ARID2: variants seen among roughly 807,000 people sequenced by gnomAD.
ARID2 encodes AT-rich interactive domain-containing protein 2.
In ARID2, 32 loss-of-function variants were observed where a neutral mutation model predicts 184.6. That is an observed-to-expected ratio of 0.17 (90% confidence interval 0.13 to 0.23). The LOEUF (loss-of-function observed/expected upper bound fraction) is 0.23. Among genes scored for constraint, ARID2 ranks in the 10% least tolerant of loss-of-function variants. ARID2 has a pLI of 1.00. For missense variants in ARID2, 1,696 were observed against 2,197.6 expected (o/e 0.77, Z 4.56); for synonymous variants, 836 against 772.6 (o/e 1.08, Z -1.36).
intron 11 of ARID2, chr12:45,845,881 A>C (rs1271963286): frequency 6.6e-6 from 1 of 152,190 alleles, no homozygotes; most frequent in African/African-American, 2.4e-5. Flanking sequence ...AAAACCTACA[A>C]AGTAATGCTG....
intron 16 of ARID2, among the ~76,000 whole-genome samples, chr12:45,863,578 C>T (rs1943784078): frequency 6.6e-6 from 1 of 151,878 alleles, no homozygotes; most frequent in South Asian, 2.1e-4. Flanking sequence ...TAAAGTAAGA[C>T]ACTGTCTCTT....
At chr12:45,799,834 A>T (rs1327933738) in intron 3 of ARID2, among the ~76,000 whole-genome samples, 3 of 152,186 alleles carry the variant, frequency 2.0e-5, no homozygotes, top group East Asian at 3.8e-4. Context: ...GCTAAAACCC[A>T]TAAATTTAGT....
At chr12:45,869,204 A>G (rs1943878624) in intron 16 of ARID2, among the ~76,000 whole-genome samples, 1 of 151,972 alleles carries the variant, frequency 6.6e-6, no homozygotes, top group Admixed American at 6.5e-5. Context: ...TTTAGTAGGG[A>G]CAGGGTTTCA....
At chr12:45,731,434 C>T (rs1032216080) in intron 3 of ARID2, 120 bp downstream of exon 3, 5 of 651,258 alleles carry the variant, frequency 7.7e-6, no homozygotes, top group Non-Finnish European at 1.4e-5. Context: ...TTGTTCATTT[C>T]AGACTGAGAC....
chr12:45,730,118 C>G lies in ARID2; in HGVS notation c.167C>G (p.Thr56Ser). Residue 56 changes from threonine to serine, a missense_variant, in exon 2 of 21, where the codon ACT becomes AGT. Transcript: ENST00000334344. ...DLHGLYTRVT[T>S]LGGFAKVSEK... Reference sequence around the variant, plus strand: ...CACGGTCTCTACACCAGAGTCACTACTTTAGGCGGATTCGCGAAGGTGAGT... The same window carrying G: ...CACGGTCTCTACACCAGAGTCACTAGTTTAGGCGGATTCGCGAAGGTGAGT... 1 of 1,613,206 alleles carries G rather than the reference C, an allele frequency of 6.2e-7. No homozygotes were observed. The highest frequency in any genetic ancestry group is 8.5e-7 in the Non-Finnish European group (1 of 1,179,498).
chr12:45,836,614 A>G lies in ARID2; in HGVS notation c.731A>G (p.Asn244Ser), dbSNP rs2138125283. 2 of 1,610,452 alleles carry G rather than the reference A, an allele frequency of 1.2e-6. No individual in the cohort carries two copies. Among genetic ancestry groups the G allele is most frequent in the South Asian group, 1.1e-5 (1 of 89,862 alleles). Reference sequence around the variant, plus strand: ...TTTTGGAAAGACATCGTTGATGATAATGAAGTTCGTGACCTCATTTCTGAC... The same window carrying G: ...TTTTGGAAAGACATCGTTGATGATAGTGAAGTTCGTGACCTCATTTCTGAC... ...VKFWKDIVDDNEVRDLISDRN... is the reference protein window; with the variant it reads ...VKFWKDIVDDSEVRDLISDRN... The change falls in exon 7 of 21, where the codon AAT becomes AGT. Residue 244 changes from asparagine (N) to serine (S), a missense_variant. By Grantham distance (46) the Asn-to-Ser change is conservative. Coordinates refer to ENST00000334344, the MANE Select transcript of ARID2 (RefSeq NM_152641.4).
intron 20 of ARID2, among the ~76,000 whole-genome samples, chr12:45,895,870 T>C (rs1944362438): frequency 6.6e-6 from 1 of 152,124 alleles, no homozygotes; most frequent in Admixed American, 6.5e-5. Context: ...AAGAGTAAAA[T>C]ACTTAGGAGT....
At chr12:45,801,885 A>G (rs1280345260) in intron 3 of ARID2, among the ~76,000 whole-genome samples, 1 of 152,198 alleles carries the variant, frequency 6.6e-6, no homozygotes, top group Non-Finnish European at 1.5e-5. Flanking sequence ...ATCTGGATGA[A>G]GGATAAATGA....
chr12:45,742,003 AC>A (rs1941267562), intron 3 of ARID2, among the ~76,000 whole-genome samples: 1 of 152,126 alleles, frequency 6.6e-6, no homozygotes, highest in Non-Finnish European at 1.5e-5. Flanking sequence ...ATCTCCCTTA[AC>A]CTTCAGTAAG....
chr12:45,802,716 C>T (rs1051712477), intron 3 of ARID2, among the ~76,000 whole-genome samples: 2 of 151,952 alleles, frequency 1.3e-5, no homozygotes, highest in Admixed American at 1.3e-4. Flanking sequence ...CACCAAGAAA[C>T]ACTGTGTGGT....
At chr12:45,859,347 T>G (rs1943703801) in intron 15 of ARID2, among the ~76,000 whole-genome samples, 1 of 152,188 alleles carries the variant, frequency 6.6e-6, no homozygotes, top group African/African-American at 2.4e-5. Flanking sequence ...ATAGCCTAGG[T>G]ATGTAGTAGG....
chr12:45,808,107 G>A (rs1158225082), intron 3 of ARID2, among the ~76,000 whole-genome samples: 1 of 152,180 alleles, frequency 6.6e-6, no homozygotes, highest in Non-Finnish European at 1.5e-5. Context: ...GATTTTTGAG[G>A]AGAAAGATGT....
At chr12:45,893,374 A>G (rs772940851) in intron 18 of ARID2, 46 bp from the exon 19 acceptor site, 17 of 1,565,236 alleles carry the variant, frequency 1.1e-5, no homozygotes, top group South Asian at 2.3e-5. Context: ...GTCTGTCTGC[A>G]GTATCACGTT....
At chr12:45,815,085 A>G (rs957596484) in intron 4 of ARID2, among the ~76,000 whole-genome samples, 3 of 152,232 alleles carry the variant, frequency 2.0e-5, no homozygotes, top group Non-Finnish European at 4.4e-5. Context: ...AGTAGGAAAT[A>G]GCACAATTCT....
At chr12:45,848,139 G>A (rs1421488650) in intron 12 of ARID2, among the ~76,000 whole-genome samples, 1 of 151,702 alleles carries the variant, frequency 6.6e-6, no homozygotes, top group Non-Finnish European at 1.5e-5. Flanking sequence ...ATTTGATTTA[G>A]TTTTTCAGAA....
chr12:45,888,566 C>T (rs1402823418), intron 16 of ARID2, among the ~76,000 whole-genome samples: 1 of 152,168 alleles, frequency 6.6e-6, no homozygotes, highest in Non-Finnish European at 1.5e-5. Flanking sequence ...AGAGACAAGA[C>T]GTTACCAGTA....
At chr12:45,878,416 ATTCTTTGTTCCCTTTGCTTTTCAG>A (rs1463751667) in intron 16 of ARID2, among the ~76,000 whole-genome samples, 1 of 151,832 alleles carries the variant, frequency 6.6e-6, no homozygotes, top group Non-Finnish European at 1.5e-5. Flanking sequence ...TGTTTCCTCT[ATTCTTTGTTCCCTTTGCTTTTCAG>A]TTTGGGAAGT....
intron 16 of ARID2, among the ~76,000 whole-genome samples, chr12:45,891,159 G>A (rs950038662): frequency 1.3e-4 from 17 of 132,074 alleles, no homozygotes; most frequent in Admixed American, 9.8e-4. Context: ...GCGAGACTCC[G>A]TCTCAAAAAA....
chr12:45,826,460 A>G (rs1335464348), intron 6 of ARID2, among the ~76,000 whole-genome samples: 1 of 152,046 alleles, frequency 6.6e-6, no homozygotes. Context: ...TACTCTTATC[A>G]CCCAGGCTAG....
Sources: allele counts gnomAD v4.1 joint callset (sites outside exome capture counted in the v4.1 genomes callset), GRCh38; gene constraint gnomAD v4.1.1; transcripts MANE v1.5; gene names NCBI Gene and HGNC (gene_info 2026-07-23, HGNC 2026-07-21).